Variants in ANXA4 observed in about 807,000 individuals in gnomAD.
ANXA4 encodes the protein 35-beta calcimedin.
In ANXA4, 39 loss-of-function variants were observed where a neutral mutation model predicts 49.8. The observed-to-expected ratio is 0.78, with a 90% CI of 0.61 to 1.02. The LOEUF (loss-of-function observed/expected upper bound fraction) is 1.02. Among genes scored for constraint, ANXA4 ranks in the 50% least tolerant of loss-of-function variants. ANXA4 has a pLI of 0.00. For synonymous variants in ANXA4, 134 were observed against 152.5 expected (o/e 0.88, Z 0.89); for missense variants, 360 against 410.1 (o/e 0.88, Z 1.05).
chr2:69,734,436 C>A (rs6735755), intron 3 of ANXA4, among the ~76,000 whole-genome samples: 13,168 of 152,184 alleles, frequency 0.087, 1,743 homozygotes, highest in African/African-American at 0.29. Flanking sequence ...TTGAAATAGA[C>A]CCCTGAGGAG....
rs1238932180 is a variant in ANXA4 at position 69,748,904 on chromosome 2, A to T, written c.-47+6729A>T. On this transcript the variant is annotated intron_variant, in intron 1 of 12. Coordinates refer to ENST00000394295, the MANE Select transcript of ANXA4 (RefSeq NM_001153.5). ...TTTCTGTATTTTTTTGTAGAGACGA[A>T]GTTTTGCCATGTTGCCCAGGCTGGT... Among the ~76,000 whole-genome samples, 3 of 151,930 alleles carry T rather than the reference A, an allele frequency of 2.0e-5. No homozygotes were observed. The East Asian group carries it at 5.8e-4, about 29-fold the overall frequency.
At chr2:69,810,963 T>C in intron 7 of ANXA4, 2 of 394,064 alleles carry the variant, frequency 5.1e-6, no homozygotes, top group Non-Finnish European at 4.7e-6. Context: ...TCCTGGGCCT[T>C]AAGAGTATAT....
chr2:69,680,455 C>A (rs887837195), intron 2 of ANXA4, among the ~76,000 whole-genome samples: 1 of 151,870 alleles, frequency 6.6e-6, no homozygotes, highest in African/African-American at 2.4e-5. Flanking sequence ...CAAAGGGGAA[C>A]AATTTGACTT....
At chr2:69,812,610 G>A in intron 7 of ANXA4, 43 bp from the exon 8 acceptor site, 2 of 1,552,810 alleles carry the variant, frequency 1.3e-6, no homozygotes, top group Non-Finnish European at 1.8e-6. Context: ...AGATCTTCAT[G>A]TATACTCTCG....
intron 3 of ANXA4, among the ~76,000 whole-genome samples, chr2:69,726,046 G>GT (rs1160238103): frequency 2.6e-5 from 4 of 152,168 alleles, no homozygotes; most frequent in Non-Finnish European, 5.9e-5. Flanking sequence ...GCCTGATATG[G>GT]TTTTGCTCTG....
intron 1 of ANXA4, among the ~76,000 whole-genome samples, chr2:69,776,089 C>T (rs1671954042): frequency 6.6e-6 from 1 of 152,034 alleles, no homozygotes; most frequent in Non-Finnish European, 1.5e-5. Flanking sequence ...ATTCTCCTGC[C>T]TCAGCCTCCT....
intron 2 of ANXA4, among the ~76,000 whole-genome samples, chr2:69,682,640 CTAAG>C (rs1677639961): frequency 6.6e-6 from 1 of 151,754 alleles, no homozygotes; most frequent in Admixed American, 6.6e-5. Flanking sequence ...GTGGAATTGA[CTAAG>C]TATATGAAAA....
At chr2:69,761,125 A>G (rs1411477219) in intron 1 of ANXA4, among the ~76,000 whole-genome samples, 1 of 152,126 alleles carries the variant, frequency 6.6e-6, no homozygotes, top group African/African-American at 2.4e-5. Flanking sequence ...ACTTAATAAT[A>G]TAGATATATT....
chr2:69,819,195 GA>G, intron 10 of ANXA4, 84 bp from the exon 11 acceptor site: 4 of 992,006 alleles, frequency 4.0e-6, no homozygotes, highest in Non-Finnish European at 5.9e-6. Context: ...ATACCTTGTA[GA>G]AACAGAGGAA....
intron 9 of ANXA4, chr2:69,817,640 A>G (rs1674058061): frequency 6.6e-6 from 1 of 152,218 alleles, no homozygotes; most frequent in Non-Finnish European, 1.5e-5. Flanking sequence ...AAGAACAGAA[A>G]TCAAGGCAGT....
intron 1 of ANXA4, among the ~76,000 whole-genome samples, chr2:69,648,111 T>C (rs893992615): frequency 6.6e-6 from 1 of 152,228 alleles, no homozygotes; most frequent in Non-Finnish European, 1.5e-5. Context: ...CCACCATTAA[T>C]TAAAATCCTT....
intron 3 of ANXA4, among the ~76,000 whole-genome samples, chr2:69,795,875 G>T (rs181858758): frequency 6.6e-6 from 1 of 152,318 alleles, no homozygotes; most frequent in Admixed American, 6.5e-5. Flanking sequence ...TACAGTGAGA[G>T]AAATATTGGG....
rs113197138 is a variant in ANXA4, at chr2:69,776,212, G to A, written c.-46-5308G>A. On this transcript the variant is annotated intron_variant, in intron 1 of 12. Coordinates refer to ENST00000394295, the MANE Select transcript of ANXA4 (RefSeq NM_001153.5). ...GCTGATCTCAAACTCCTGACCTCAG[G>A]TGATCTACCCACCTCAGCCTCCCAA... 5.4e-3 allele frequency among the ~76,000 whole-genome samples: 815 copies of A among 152,064 alleles called. 8 individuals carry two copies. Among genetic ancestry groups the A allele is most frequent in the African/African-American group, 0.017 (718 of 41,454 alleles).
intron 3 of ANXA4, among the ~76,000 whole-genome samples, chr2:69,732,862 T>C (rs1034308587): frequency 6.6e-6 from 1 of 152,214 alleles, no homozygotes; most frequent in Non-Finnish European, 1.5e-5. Flanking sequence ...TGCTATGCCA[T>C]ACATTATTTA....
chr2:69,755,246 A>C (rs948341157), intron 1 of ANXA4, among the ~76,000 whole-genome samples: 2 of 152,208 alleles, frequency 1.3e-5, no homozygotes, highest in African/African-American at 4.8e-5. Flanking sequence ...GGAATGATAG[A>C]AGAGATCTAG....
intron 2 of ANXA4, 49 bp downstream of exon 2, chr2:69,781,623 T>C (rs1326813831): frequency 6.2e-7 from 1 of 1,608,698 alleles, no homozygotes; most frequent in African/African-American, 1.3e-5. Flanking sequence ...TGCCAACAGG[T>C]ACAGAATGTG....
At chr2:69,773,452 A>C (rs946556121) in intron 1 of ANXA4, among the ~76,000 whole-genome samples, 3 of 152,108 alleles carry the variant, frequency 2.0e-5, no homozygotes, top group Non-Finnish European at 2.9e-5. Context: ...ATACTTACCA[A>C]GGGATATGGG....
intron 2 of ANXA4, among the ~76,000 whole-genome samples, chr2:69,656,379 G>GTATATATATGTATATATATGTA (rs1676486942): frequency 2.7e-5 from 2 of 75,446 alleles, no homozygotes; most frequent in African/African-American, 7.4e-5. Flanking sequence ...GTATATATGT[G>GTATATATATGTATATATATGTA]TATATATATG....
chr2:69,684,698 A>AG (rs1677720540), intron 2 of ANXA4, among the ~76,000 whole-genome samples: 1 of 151,256 alleles, frequency 6.6e-6, no homozygotes, highest in African/African-American at 2.4e-5. Flanking sequence ...AAAAAAAAAA[A>AG]AAAGAAAGAA....
Sources: gnomAD v4.1 joint callset for allele counts (sites outside exome capture counted in the v4.1 genomes callset) on GRCh38, gnomAD v4.1.1 for gene constraint, MANE v1.5 for transcripts, NCBI Gene and HGNC (gene_info 2026-07-23, HGNC 2026-07-21) for gene names.